Variants in TRPM3 observed in about 807,000 individuals in gnomAD.
The protein encoded by TRPM3 is long transient receptor potential channel 3.
In TRPM3, 77 loss-of-function variants were observed where a neutral mutation model predicts 181.2. The observed-to-expected ratio is 0.42, with a 90% CI of 0.35 to 0.51. The LOEUF is 0.51. Among genes scored for constraint, TRPM3 ranks in the 20% least tolerant of loss-of-function variants. TRPM3 has a pLI of 0.01. For synonymous variants in TRPM3, 745 were observed against 796.4 expected (o/e 0.94, Z 1.09); for missense variants, 1,759 against 2,196.7 (o/e 0.80, Z 3.98).
chr9:71,353,834 G>A (rs2091775275), intron 1 of TRPM3, among the ~76,000 whole-genome samples: 1 of 152,138 alleles, frequency 6.6e-6, no homozygotes. Context: ...TGAACAGAAA[G>A]TTGTAAACAT....
intron 6 of TRPM3, among the ~76,000 whole-genome samples, chr9:70,797,380 C>G (rs1445477256): frequency 6.6e-6 from 1 of 152,202 alleles, no homozygotes; most frequent in African/African-American, 2.4e-5. Context: ...CTTCACTTAA[C>G]TGCTAGCTGT....
chr9:70,685,903 G>T (rs566388530), intron 8 of TRPM3, among the ~76,000 whole-genome samples: 1 of 150,048 alleles, frequency 6.7e-6, no homozygotes, highest in Admixed American at 6.6e-5. Context: ...TGTCATTTTC[G>T]TTCATTTTTA....
chr9:71,236,717 A>G (rs2081370073), intron 1 of TRPM3, among the ~76,000 whole-genome samples: 1 of 152,140 alleles, frequency 6.6e-6, no homozygotes, highest in Non-Finnish European at 1.5e-5. Flanking sequence ...GTGCTTTTAA[A>G]CCTATACATA....
At chr9:71,203,900 G>C (rs1056315322) in intron 1 of TRPM3, among the ~76,000 whole-genome samples, 3 of 151,960 alleles carry the variant, frequency 2.0e-5, no homozygotes, top group Admixed American at 6.6e-5. Context: ...TAGTACGATT[G>C]AAAGTAATCT....
intron 1 of TRPM3, among the ~76,000 whole-genome samples, chr9:71,184,585 G>A (rs2077573047): frequency 6.6e-6 from 1 of 152,076 alleles, no homozygotes; most frequent in Non-Finnish European, 1.5e-5. Context: ...CAGATTCCAT[G>A]TCTGCATACA....
At chr9:70,985,894 G>T (rs1006051625) in intron 1 of TRPM3, among the ~76,000 whole-genome samples, 1 of 152,140 alleles carries the variant, frequency 6.6e-6, no homozygotes. Flanking sequence ...ACAGGATGGA[G>T]GGAGAATATT....
At chr9:70,850,462 A>C (rs1450268872) in intron 3 of TRPM3, among the ~76,000 whole-genome samples, 1 of 152,212 alleles carries the variant, frequency 6.6e-6, no homozygotes, top group Non-Finnish European at 1.5e-5. Flanking sequence ...AAGGGGCAGA[A>C]GAACACTTTG....
At chr9:70,828,846 G>A (rs2093718709) in intron 5 of TRPM3, among the ~76,000 whole-genome samples, 1 of 152,038 alleles carries the variant, frequency 6.6e-6, no homozygotes, top group Admixed American at 6.6e-5. Context: ...AAATGGAGAG[G>A]TAAAGTAAGT....
chr9:71,082,658 C>A (rs1037893322), intron 1 of TRPM3, among the ~76,000 whole-genome samples: 2 of 152,134 alleles, frequency 1.3e-5, no homozygotes, highest in African/African-American at 4.8e-5. Flanking sequence ...ATGATCCTAT[C>A]GTTAGTGGAC....
chr9:70,634,795 T>C (rs1045703957), intron 12 of TRPM3, among the ~76,000 whole-genome samples: 1 of 152,186 alleles, frequency 6.6e-6, no homozygotes, highest in African/African-American at 2.4e-5. Context: ...GAGCTATGCT[T>C]ACTACACTCT....
intron 1 of TRPM3, among the ~76,000 whole-genome samples, chr9:70,954,540 G>A (rs763894983): frequency 1.3e-5 from 2 of 151,564 alleles, no homozygotes; most frequent in African/African-American, 2.4e-5. Flanking sequence ...TAGATTTTAC[G>A]TTGCTTTTTC....
chr9:71,358,220 T>G (rs2091988988), intron 1 of TRPM3, among the ~76,000 whole-genome samples: 1 of 152,198 alleles, frequency 6.6e-6, no homozygotes, highest in African/African-American at 2.4e-5. Flanking sequence ...CTATCAATCA[T>G]AATCATTCTC....
At chr9:70,878,910 A>G (rs964508167) in intron 1 of TRPM3, among the ~76,000 whole-genome samples, 2 of 152,146 alleles carry the variant, frequency 1.3e-5, no homozygotes, top group Non-Finnish European at 2.9e-5. Flanking sequence ...TTGGGAAAAC[A>G]CCCTGTGCTG....
intron 1 of TRPM3, among the ~76,000 whole-genome samples, chr9:71,352,158 A>G (rs1565489945): frequency 6.6e-6 from 1 of 152,188 alleles, no homozygotes; most frequent in Non-Finnish European, 1.5e-5. Context: ...TACAGGCGTG[A>G]GCCACTGCAC....
intron 1 of TRPM3, among the ~76,000 whole-genome samples, chr9:70,959,010 C>G (rs866622806): frequency 0.015 from 1,258 of 86,080 alleles, 27 homozygotes; most frequent in African/African-American, 0.061. Context: ...GTTGTGGGGT[C>G]GGAGGAGGGG....
In TRPM3 at chr9:71,139,304, A is replaced by G. The variant is rs116132915; in HGVS notation, c.184-274793T>C. ...GTACTATCTCAAGAGGTTTTCTCCT[A>G]TGAAAATTTTATCAGTTGTGAAGCT... On this transcript the variant is annotated intron_variant, in intron 1 of 24. Coordinates refer to the TRPM3 transcript ENST00000357533. 3.9e-3 allele frequency among the ~76,000 whole-genome samples: 588 copies of G among 152,330 alleles called. 5 individuals are homozygous for G. The highest frequency in any genetic ancestry group is 0.013 in the African/African-American group (548 of 41,576).
At chr9:70,586,897 A>G (rs933569855) in intron 22 of TRPM3, among the ~76,000 whole-genome samples, 1 of 152,216 alleles carries the variant, frequency 6.6e-6, no homozygotes, top group African/African-American at 2.4e-5. Flanking sequence ...AGGCAGAAAA[A>G]TAATTCAGGA....
intron 1 of TRPM3, among the ~76,000 whole-genome samples, chr9:71,378,685 C>A (rs1003104270): frequency 6.6e-6 from 1 of 152,004 alleles, no homozygotes; most frequent in African/African-American, 2.4e-5. Flanking sequence ...TGTCACTATT[C>A]AAATTGTCAA....
chr9:71,056,646 C>T (rs974200081), intron 1 of TRPM3, among the ~76,000 whole-genome samples: 4 of 151,896 alleles, frequency 2.6e-5, no homozygotes, highest in African/African-American at 9.7e-5. Context: ...TGACTGGTAT[C>T]CCTACAAGAA....
Sources: gnomAD v4.1 joint callset for allele counts (sites outside exome capture counted in the v4.1 genomes callset) on GRCh38, gnomAD v4.1.1 for gene constraint, MANE v1.5 for transcripts, NCBI Gene and HGNC (gene_info 2026-07-23, HGNC 2026-07-21) for gene names.